The following NDST4 variants were observed in gnomAD, a reference collection of about 807,000 sequenced individuals.
The protein encoded by NDST4 is N-heparan sulfate sulfotransferase 4.
Under a neutral mutation model 100.8 loss-of-function variants are expected in NDST4, and 63 were observed. That is an observed-to-expected ratio of 0.62 (90% CI 0.51 to 0.77). The LOEUF is 0.77. Among genes scored for constraint, NDST4 ranks in the 30% least tolerant of loss-of-function variants. The probability of loss-of-function intolerance (pLI) is 0.00; values close to 1 mark genes in which losing one functional copy is unlikely to be tolerated. For missense variants in NDST4, 943 were observed against 1,018.4 expected, an observed-to-expected ratio of 0.93 and a Z score of 1.01; for synonymous variants, 377 against 361.8, an observed-to-expected ratio of 1.04 and a Z score of -0.48.
intron 6 of NDST4, among the ~76,000 whole-genome samples, chr4:114,882,150 T>TG (rs1356569944): frequency 6.6e-6 from 1 of 151,948 alleles, no homozygotes; most frequent in Non-Finnish European, 1.5e-5. Flanking sequence ...TTTTTTTTTT[T>TG]TTTAGTTTTT....
At chr4:114,885,687 T>C (rs750414557) in intron 6 of NDST4, among the ~76,000 whole-genome samples, 5 of 152,094 alleles carry the variant, frequency 3.3e-5, no homozygotes, top group Non-Finnish European at 5.9e-5. Flanking sequence ...AACATATGAA[T>C]GGATTTTTTT....
intron 6 of NDST4, among the ~76,000 whole-genome samples, chr4:114,892,077 G>C (rs936523529): frequency 2.6e-5 from 4 of 152,002 alleles, no homozygotes; most frequent in Admixed American, 1.3e-4. Context: ...CATTTTGTAG[G>C]ACAAAAATTG....
chr4:114,885,599 G>A lies in NDST4; in HGVS notation c.1537-14649C>T, dbSNP rs184171558. Among the ~76,000 whole-genome samples, 981 of 152,000 alleles carry A rather than the reference G, an allele frequency of 6.5e-3. 12 individuals carry two copies. Among genetic ancestry groups the A allele is most frequent in the South Asian group, 0.028 (134 of 4,820 alleles). On this transcript the variant is annotated intron_variant, in intron 6 of 13. Transcript: ENST00000264363. ...AATTTGGTATCCTTATAGATTTCTT[G>A]TATTTTTATGTCAGTTTATTTGACA...
At chr4:114,934,578 TA>T (rs145756537) in intron 6 of NDST4, among the ~76,000 whole-genome samples, 11,116 of 148,064 alleles carry the variant, frequency 0.075, 456 homozygotes, top group Middle Eastern at 0.12. Context: ...AAAATAAAAA[TA>T]AAAAAAATAA....
At chr4:114,937,803 G>T (rs1366456273) in intron 4 of NDST4, among the ~76,000 whole-genome samples, 1 of 151,720 alleles carries the variant, frequency 6.6e-6, no homozygotes. Context: ...GGATAAATGT[G>T]GGGGGCGGGG....
At chr4:115,105,045 A>T (rs1240124473) in intron 1 of NDST4, among the ~76,000 whole-genome samples, 1 of 152,320 alleles carries the variant, frequency 6.6e-6, no homozygotes, top group Non-Finnish European at 1.5e-5. Context: ...GAGAAGAGTT[A>T]GAATTTTCAA....
chr4:114,924,685 G>A (rs908320674), intron 6 of NDST4, among the ~76,000 whole-genome samples: 4 of 152,084 alleles, frequency 2.6e-5, no homozygotes, highest in African/African-American at 7.2e-5. Flanking sequence ...ATACCCCTGA[G>A]TTCCGGAGAG....
Position 114,835,257 on chromosome 4 carries a change from G to A in NDST4, c.2287-1542C>T, listed in dbSNP as rs545879567. 2.2e-4 allele frequency among the ~76,000 whole-genome samples: 33 copies of A among 152,244 alleles called. 1 individual carries two copies. Among genetic ancestry groups the A allele is most frequent in the African/African-American group, 7.9e-4 (33 of 41,558 alleles). ...TTCCAGCTTTCTGTTGTCATTTAGT[G>A]GTATAAATTTCTCTCTTAAGACTGC... On this transcript the variant is annotated intron_variant, in intron 11 of 13. Coordinates refer to ENST00000264363, the MANE Select transcript of NDST4 (RefSeq NM_022569.3).
Position 115,060,475 on chromosome 4 carries a change from T to C in NDST4, c.978+15584A>G, listed in dbSNP as rs111803099. 8.3e-3 allele frequency among the ~76,000 whole-genome samples: 1,257 copies of C among 152,102 alleles called. 27 individuals are homozygous for C. The highest frequency in any genetic ancestry group is 0.028 in the African/African-American group (1,171 of 41,500). On this transcript the variant is annotated intron_variant, in intron 2 of 13. Transcript: ENST00000264363. ...TTACTGATAATCTGTGAGAGACTTA[T>C]AATCAAAATTAAAATTTAAAATAGC...
At chr4:115,049,262 G>C (rs1728531659) in intron 2 of NDST4, among the ~76,000 whole-genome samples, 3 of 151,736 alleles carry the variant, frequency 2.0e-5, no homozygotes, top group African/African-American at 7.3e-5. Flanking sequence ...TGCAAATTGG[G>C]AAAAGGGCGA....
intron 1 of NDST4, among the ~76,000 whole-genome samples, chr4:115,095,144 T>C (rs746930199): frequency 1.3e-5 from 2 of 151,890 alleles, no homozygotes; most frequent in African/African-American, 2.4e-5. Context: ...GCTCCTCAGG[T>C]CTTAACTCAT....
In NDST4 at chr4:115,076,566, G is replaced by A. The variant is rs1310945303; in HGVS notation, c.471C>T (p.Tyr157=). The A allele has an allele frequency of 6.2e-7, 1 of 1,613,802 alleles. No homozygotes were observed. The highest frequency in any genetic ancestry group is 8.5e-7 in the Non-Finnish European group (1 of 1,179,954). The change falls in exon 2 of 14, where the codon TAC becomes TAT. Residue 157 remains tyrosine (Y), a synonymous_variant. Coordinates refer to ENST00000264363, the MANE Select transcript of NDST4 (RefSeq NM_022569.3). The part of the protein sequence containing the change: ...RELLEKYCVE[Y]SVSIIGFHKA... Reference sequence around the variant, plus strand: ...TATGAAAACCGATTATACTAACACTGTATTCCACACAGTATTTTTCTAAAA... The same window carrying A: ...TATGAAAACCGATTATACTAACACTATATTCCACACAGTATTTTTCTAAAA...
chr4:114,916,536 CTGTGTGTGTGTG>C lies in NDST4; in HGVS notation c.1536+18658_1536+18669del, dbSNP rs537961796. Among the ~76,000 whole-genome samples the C allele has an allele frequency of 9.2e-3, 1,184 of 129,112 alleles. 8 individuals carry two copies. The highest frequency in any genetic ancestry group is 0.028 in the African/African-American group (949 of 34,282). 84.7% of individuals were successfully genotyped at this position (129,112 alleles called of 152,430 possible). On this transcript the variant is annotated intron_variant, in intron 6 of 13. Transcript: ENST00000264363. ...AGATGTCACATTGTCCTGGTAGGCT[CTGTGTGTGTGTG>C]TGTGTGTGTGTGTGTGTGTGTGTGT...
rs149645289 is a variant in NDST4, at chr4:115,076,794, A to G, written c.243T>C (p.Leu81=). Residue 81 remains leucine, a synonymous_variant, in exon 2 of 14, where the codon CTT becomes CTC. Transcript: ENST00000264363. ...GAGAGTATTGGCTCTCCACGAAGAG[A>G]AGGACAGTAGGGTCCGTTTTGGATG... The part of the protein sequence containing the change: ...IDTSKTDPTV[L]LFVESQYSQL... 220 of 1,613,968 alleles carry G rather than the reference A, an allele frequency of 1.4e-4. No individual in the cohort carries two copies. In the African/African-American group the frequency reaches 2.7e-3, roughly 20 times the overall value.
At chr4:115,045,286 A>G (rs1178494931) in intron 2 of NDST4, among the ~76,000 whole-genome samples, 1 of 152,184 alleles carries the variant, frequency 6.6e-6, no homozygotes, top group African/African-American at 2.4e-5. Flanking sequence ...CAATCTTTAT[A>G]TAGGTTTTAA....
intron 3 of NDST4, among the ~76,000 whole-genome samples, chr4:114,974,289 C>CA (rs1726582713): frequency 7.0e-6 from 1 of 142,416 alleles, no homozygotes; most frequent in African/African-American, 2.9e-5. Context: ...ATGCAAAAAA[C>CA]AAAAAATCAC....
intron 2 of NDST4, among the ~76,000 whole-genome samples, chr4:115,003,912 G>T (rs1727355299): frequency 6.6e-6 from 1 of 151,524 alleles, no homozygotes; most frequent in African/African-American, 2.4e-5. Flanking sequence ...TTAAAATAAA[G>T]AAAATGAGGT....
intron 8 of NDST4, among the ~76,000 whole-genome samples, chr4:114,848,713 C>A (rs75966223): frequency 0.02 from 3,076 of 152,258 alleles, 133 homozygotes; most frequent in South Asian, 0.17. Flanking sequence ...TGGTATCTTA[C>A]CTGGTGGGTC....
chr4:115,040,022 C>T (rs745632513), intron 2 of NDST4, among the ~76,000 whole-genome samples: 2 of 151,798 alleles, frequency 1.3e-5, no homozygotes, highest in Non-Finnish European at 2.9e-5. Flanking sequence ...TATATACACA[C>T]ACATACTTGT....
Sources: allele counts gnomAD v4.1 joint callset (sites outside exome capture counted in the v4.1 genomes callset), GRCh38; gene constraint gnomAD v4.1.1; transcripts MANE v1.5; gene names NCBI Gene and HGNC (gene_info 2026-07-23, HGNC 2026-07-21).